The following CHRDL2 variants were observed in gnomAD, a reference collection of about 807,000 sequenced individuals.
CHRDL2 encodes the protein chordin-like protein 2.
In CHRDL2, 41 loss-of-function variants were observed where a neutral mutation model predicts 54.3. That is an observed-to-expected ratio of 0.76 (90% confidence interval 0.59 to 0.98). The LOEUF is 0.98. CHRDL2 is among the 50% of genes least tolerant of loss of function. CHRDL2 has a pLI of 0.00. For synonymous variants in CHRDL2, 220 were observed against 224.3 expected, an observed-to-expected ratio of 0.98 and a Z score of 0.17; for missense variants, 518 against 562.4, an observed-to-expected ratio of 0.92 and a Z score of 0.80.
chr11:74,699,948 G>A (rs149993300), intron 9 of CHRDL2, among the ~76,000 whole-genome samples: 3 of 152,360 alleles, frequency 2.0e-5, no homozygotes, highest in African/African-American at 4.8e-5. Context: ...GCATTGTGAA[G>A]TTGTTTTTCC....
intron 7 of CHRDL2, among the ~76,000 whole-genome samples, chr11:74,703,755 C>T (rs1386054886): frequency 6.6e-6 from 1 of 152,236 alleles, no homozygotes; most frequent in Non-Finnish European, 1.5e-5. Flanking sequence ...CCCTTCAGGG[C>T]ACTTCTGCGG....
intron 8 of CHRDL2, 28 bp from the exon 9 acceptor site, chr11:74,702,995 T>C (rs2033880398): frequency 6.4e-7 from 1 of 1,571,588 alleles, no homozygotes; most frequent in Non-Finnish European, 8.6e-7. Flanking sequence ...TCATGAAGTG[T>C]TCAATAAACG....
At chr11:74,729,693 G>T (rs1158285524) in intron 1 of CHRDL2, among the ~76,000 whole-genome samples, 2 of 152,228 alleles carry the variant, frequency 1.3e-5, no homozygotes, top group Non-Finnish European at 2.9e-5. Context: ...AAGAGCACCA[G>T]ACTAGGAGTT....
At chr11:74,703,204 C>G (rs1415770661) in intron 8 of CHRDL2, 101 bp downstream of exon 8, 4 of 1,381,084 alleles carry the variant, frequency 2.9e-6, no homozygotes, top group Non-Finnish European at 3.9e-6. Context: ...CGATGCATGC[C>G]CTTCCATGTC....
rs141638033 is a variant in CHRDL2 at position 74,726,867 on chromosome 11, C to G, written c.82+3940G>C. The stretch of plus-strand genomic sequence containing the variant: ...GGTGCTCCCCACTGCCTCATGCACA[C>G]CTGCACAGGTAGATGGGGATGCGAC... On this transcript the variant is annotated intron_variant, in intron 1 of 10. Coordinates refer to ENST00000376332, the MANE Select transcript of CHRDL2 (RefSeq NM_001278473.3). Among the ~76,000 whole-genome samples, 1,220 of 152,302 alleles carry G rather than the reference C, an allele frequency of 8.0e-3. 15 individuals are homozygous for G. The highest frequency in any genetic ancestry group is 0.028 in the African/African-American group (1,156 of 41,546).
chr11:74,730,922 C>A lies in CHRDL2; in HGVS notation c.-34G>T. 6.4e-7 allele frequency: 1 copy of A among 1,568,944 alleles called. No individual in the cohort carries two copies. The highest frequency in any genetic ancestry group is 8.7e-7 in the Non-Finnish European group (1 of 1,152,940). ...CAGGGTCAGGCCGCTGGTCCGGGAG[C>A]GGAGTCGGGAGGAAGGGAGACGAAA... On this transcript the variant is annotated 5_prime_UTR_variant, in exon 1 of 11. Coordinates refer to ENST00000376332, the MANE Select transcript of CHRDL2 (RefSeq NM_001278473.3).
intron 5 of CHRDL2, among the ~76,000 whole-genome samples, chr11:74,707,630 A>T (rs1338504077): frequency 1.3e-5 from 2 of 152,078 alleles, no homozygotes; most frequent in African/African-American, 4.8e-5. Flanking sequence ...CTCACGTGCC[A>T]CTTATGGTTC....
At chr11:74,714,433 C>T (rs947441525) in intron 2 of CHRDL2, among the ~76,000 whole-genome samples, 9 of 152,162 alleles carry the variant, frequency 5.9e-5, no homozygotes, top group Admixed American at 3.9e-4. Context: ...GTTTCTAGCC[C>T]CGCTTCTCCC....
intron 2 of CHRDL2, 136 bp from the exon 3 acceptor site, chr11:74,713,615 A>C: frequency 1.5e-6 from 1 of 673,126 alleles, no homozygotes; most frequent in Non-Finnish European, 2.6e-6. Flanking sequence ...GAAAACAATT[A>C]AGTGTGCCCG....
In CHRDL2 at chr11:74,696,658, G is replaced by A. The variant is rs986762076; in HGVS notation, c.1214-73C>T. 1.1e-5 allele frequency: 13 copies of A among 1,178,932 alleles called. No homozygotes were observed. In the Admixed American group the frequency reaches 2.1e-4, roughly 19 times the overall value. The allele number at this position is 1,178,932 out of a possible 1,614,324, so 73.0% of individuals were successfully genotyped here. A position where few individuals can be genotyped will look rare whatever the true frequency, so the allele number is the denominator to read the frequency against. ...TGCACAACAGAGGCAGCAGCTGGGG[G>A]TTGGAAAAGCCTTGGGCCAGGAGGA... On this transcript the variant is annotated intron_variant, in intron 10 of 10. Transcript: ENST00000376332.
intron 6 of CHRDL2, among the ~76,000 whole-genome samples, chr11:74,705,227 TC>T (rs2033970610): frequency 6.6e-6 from 1 of 152,110 alleles, no homozygotes; most frequent in Non-Finnish European, 1.5e-5. Context: ...CCAGACCCTG[TC>T]CCTCCAGACC....
In CHRDL2 at chr11:74,703,472, G is replaced by C; in HGVS notation, c.779C>G (p.Ser260Cys). 6.2e-7 allele frequency: 1 copy of C among 1,607,858 alleles called. No individual in the cohort carries two copies. The highest frequency in any genetic ancestry group is 2.2e-5 in the East Asian group (1 of 44,726). The change falls in exon 8 of 11, where the codon TCC becomes TGC. Residue 260 changes from serine (S) to cysteine (C), a missense_variant. Transcript: ENST00000376332. ...GGCCGGGTGCCACACCTCCCCGTGGGAGTACGTCTTCCCGCCATGCACACA... is the reference window on the plus strand; with the variant it reads ...GGCCGGGTGCCACACCTCCCCGTGGCAGTACGTCTTCCCGCCATGCACACA... ...KACVHGGKTY[S>C]HGEVWHPAFR... is the part of the protein sequence containing the mutation.
chr11:74,706,257 G>A (rs975990849), intron 6 of CHRDL2, among the ~76,000 whole-genome samples: 11 of 152,240 alleles, frequency 7.2e-5, no homozygotes, highest in African/African-American at 2.6e-4. Context: ...CTGCTGCCCT[G>A]CGTGGTGACC....
At chr11:74,717,798 C>A (rs1328368712) in intron 2 of CHRDL2, among the ~76,000 whole-genome samples, 1 of 151,918 alleles carries the variant, frequency 6.6e-6, no homozygotes, top group Non-Finnish European at 1.5e-5. Flanking sequence ...GGGCTGGGAG[C>A]TAGCTACCCC....
At chr11:74,713,355 A>G (rs775802000) in intron 3 of CHRDL2, 31 bp downstream of exon 3, 1 of 1,591,912 alleles carries the variant, frequency 6.3e-7, no homozygotes, top group South Asian at 1.1e-5. Context: ...AGAAAGGTCC[A>G]TGGACGATGG....
At chr11:74,730,698 G>T in intron 1 of CHRDL2, 109 bp downstream of exon 1, 1 of 1,039,142 alleles carries the variant, frequency 9.6e-7, no homozygotes, top group Non-Finnish European at 1.4e-6. Flanking sequence ...CGGCACAGGT[G>T]CTGCCTGGAC....
In CHRDL2 at chr11:74,704,578, C is replaced by T. The variant is rs1435557482; in HGVS notation, c.659G>A (p.Ser220Asn). ...GPGTPAPTGL[S>N]APLSFIPRHF... ...GCGAGGGATGAAGCTCAGAGGGGCG[C>T]TGAGGCCAGTGGGGGCTGGGGTGCC... The change falls in exon 7 of 11, where the codon AGC (serine) becomes AAC (asparagine). Residue 220 changes from serine to asparagine, a missense_variant. Coordinates refer to ENST00000376332, the MANE Select transcript of CHRDL2 (RefSeq NM_001278473.3). The T allele has an allele frequency of 3.1e-6, 5 of 1,592,732 alleles. No individual in the cohort carries two copies. In the East Asian group the frequency reaches 9.1e-5, roughly 29 times the overall value.
At chr11:74,718,629 C>G in intron 2 of CHRDL2, 91 bp downstream of exon 2, 1 of 831,964 alleles carries the variant, frequency 1.2e-6, no homozygotes. Context: ...CAGCACAGTT[C>G]TAGAAGGCCT....
intron 1 of CHRDL2, among the ~76,000 whole-genome samples, chr11:74,724,162 G>A (rs1458669705): frequency 6.6e-6 from 1 of 152,226 alleles, no homozygotes; most frequent in Admixed American, 6.5e-5. Flanking sequence ...GCCTGAGCTG[G>A]ATCTTGGAGA....
Sources: allele counts gnomAD v4.1 joint callset (sites outside exome capture counted in the v4.1 genomes callset), GRCh38; gene constraint gnomAD v4.1.1; transcripts MANE v1.5; gene names NCBI Gene and HGNC (gene_info 2026-07-23, HGNC 2026-07-21).